The following USP49 variants were observed in gnomAD, a reference collection of about 807,000 sequenced individuals.
The protein encoded by USP49 is ubiquitin carboxyl-terminal hydrolase 49.
USP49 carries 24 observed loss-of-function variants against 58.6 expected under a neutral mutation model. That is an observed-to-expected ratio of 0.41 (90% confidence interval 0.30 to 0.58). The LOEUF (loss-of-function observed/expected upper bound fraction) is 0.58, where lower values mean the gene tolerates loss of function less well. Among genes scored for constraint, USP49 ranks in the 20% least tolerant of loss-of-function variants. USP49 has a pLI of 0.30. For missense variants in USP49, 703 were observed against 866.1 expected (o/e 0.81, Z 2.36); for synonymous variants, 408 against 365.1 (o/e 1.12, Z -1.34).
intron 2 of USP49, among the ~76,000 whole-genome samples, chr6:41,886,728 C>T (rs968189395): frequency 2.0e-5 from 3 of 152,160 alleles, no homozygotes; most frequent in African/African-American, 7.2e-5. Flanking sequence ...GAAACCCCAT[C>T]TCCACCTAAC....
rs1031485283 is a variant in USP49, at chr6:41,797,828, T to C, written c.1876+896A>G. ...CTTTTGATAATACTACAATATCCTC[T>C]AACACTGACTGAATAAGTACTATGT... On this transcript the variant is annotated intron_variant, in intron 7 of 7. Coordinates refer to ENST00000682992, the MANE Select transcript of USP49 (RefSeq NM_001286554.2). 6 of 984,282 alleles carry C rather than the reference T, an allele frequency of 6.1e-6. 1 individual carries two copies. The African/African-American group carries it at 1.0e-4, about 17-fold the overall frequency. The allele number at this position is 984,282 out of a possible 1,614,324, so 61.0% of individuals were successfully genotyped here.
intron 2 of USP49, among the ~76,000 whole-genome samples, chr6:41,885,070 T>C (rs1774685322): frequency 6.6e-6 from 1 of 152,210 alleles, no homozygotes; most frequent in South Asian, 2.1e-4. Flanking sequence ...GATAAATTTT[T>C]TCTACTTTAT....
chr6:41,887,122 G>C lies in USP49; in HGVS notation c.-103+4672C>G, dbSNP rs181105353. Among the ~76,000 whole-genome samples the C allele has an allele frequency of 1.8e-3, 271 of 152,324 alleles. 1 individual carries two copies. The highest frequency in any genetic ancestry group is 5.9e-3 in the African/African-American group (247 of 41,566). On this transcript the variant is annotated intron_variant, in intron 2 of 7. Transcript: ENST00000682992. Reference sequence around the variant, plus strand: ...AAGAAAGAGCAGGAGGCAGGAAAGAGCAGGACACCAATGTGACAAAATGCT... The same window carrying C: ...AAGAAAGAGCAGGAGGCAGGAAAGACCAGGACACCAATGTGACAAAATGCT...
At chr6:41,842,201 T>C (rs1206123524) in intron 3 of USP49, among the ~76,000 whole-genome samples, 2 of 151,888 alleles carry the variant, frequency 1.3e-5, no homozygotes, top group Non-Finnish European at 2.9e-5. Context: ...ATTATGTGCA[T>C]GGTAGGATAA....
In USP49 at chr6:41,798,776, C is replaced by A; in HGVS notation, c.1824G>T (p.Gly608=). The change falls in exon 7 of 8, where the codon GGG becomes GGT. Residue 608 remains glycine, a synonymous_variant. Coordinates refer to ENST00000682992, the MANE Select transcript of USP49 (RefSeq NM_001286554.2). ...YDLSAVVMHH[G]KGFGSGHYTA... Reference sequence around the variant, plus strand: ...TGTAGTGTCCTGAGCCAAACCCTTTCCCGTGATGCATGACCACTGCGGAGA... The same window carrying A: ...TGTAGTGTCCTGAGCCAAACCCTTTACCGTGATGCATGACCACTGCGGAGA... The A allele has an allele frequency of 6.2e-7, 1 of 1,614,048 alleles. No individual in the cohort carries two copies. Among genetic ancestry groups the A allele is most frequent in the Non-Finnish European group, 8.5e-7 (1 of 1,180,008 alleles).
At chr6:41,807,134 C>T in intron 3 of USP49, 123 bp from the exon 4 acceptor site, 1 of 1,057,346 alleles carries the variant, frequency 9.5e-7, no homozygotes, top group Non-Finnish European at 1.2e-6. Flanking sequence ...TAGATTCATT[C>T]ATTTTCAACT....
At chr6:41,807,885 T>C (rs1484263607) in intron 3 of USP49, among the ~76,000 whole-genome samples, 1 of 151,414 alleles carries the variant, frequency 6.6e-6, no homozygotes, top group South Asian at 2.1e-4. Context: ...GCGATTCTCC[T>C]GCCTCAGCCT....
rs1582020309 is a variant in USP49 at position 41,850,462 on chromosome 6, A to AAAT, written c.-29+21101_-29+21102insATT. ...AGCCTCTAAGGAAAGAAAAAAAAAA[A>AAAT]AAATAAATAAATAAATAATATAAAA... On this transcript the variant is annotated intron_variant, in intron 3 of 7. Transcript: ENST00000682992. 5.4e-5 allele frequency among the ~76,000 whole-genome samples: 8 copies of AAAT among 146,874 alleles called. No homozygotes were observed. The South Asian group carries it at 8.6e-4, about 16-fold the overall frequency.
At chr6:41,862,472 T>C (rs114924247) in intron 3 of USP49, among the ~76,000 whole-genome samples, 2,273 of 152,340 alleles carry the variant, frequency 0.015, 54 homozygotes, top group African/African-American at 0.052. Flanking sequence ...GTCTTTTCTA[T>C]TGGGCTCTCA....
chr6:41,876,969 AT>A (rs376431016), intron 2 of USP49, among the ~76,000 whole-genome samples: 264 of 152,314 alleles, frequency 1.7e-3, no homozygotes, highest in African/African-American at 6.1e-3. Flanking sequence ...TCTGCCACTG[AT>A]TAATTATGTT....
intron 2 of USP49, among the ~76,000 whole-genome samples, chr6:41,883,105 G>A (rs1774640810): frequency 6.6e-6 from 1 of 151,968 alleles, no homozygotes; most frequent in Non-Finnish European, 1.5e-5. Flanking sequence ...TGGCTAACTA[G>A]TATATGAAGA....
chr6:41,820,316 A>G (rs1773432373), intron 3 of USP49, among the ~76,000 whole-genome samples: 1 of 152,136 alleles, frequency 6.6e-6, no homozygotes, highest in South Asian at 2.1e-4. Flanking sequence ...TAAACACATC[A>G]GTCACCCCTA....
rs1401543732 is a variant in USP49, at chr6:41,817,478, G to C, written c.-28-10467C>G. Among the ~76,000 whole-genome samples, 289 of 60,342 alleles carry C rather than the reference G, an allele frequency of 4.8e-3. 1 individual carries two copies. The highest frequency in any genetic ancestry group is 6.6e-3 in the Non-Finnish European group (199 of 30,194). 39.6% of individuals were successfully genotyped at this position (60,342 alleles called of 152,430 possible). Reference sequence around the variant, plus strand: ...CTTTCTTTTTTTTTTTTTTTTTTTTGAGATGGAGTCTTGCTCTGTCGCCCA... The same window carrying C: ...CTTTCTTTTTTTTTTTTTTTTTTTTCAGATGGAGTCTTGCTCTGTCGCCCA... On this transcript the variant is annotated intron_variant, in intron 3 of 7. Transcript: ENST00000682992.
chr6:41,796,312 A>G lies in USP49; in HGVS notation c.*221T>C. The G allele has an allele frequency of 2.1e-6, 1 of 486,118 alleles. No individual in the cohort carries two copies. Among genetic ancestry groups the G allele is most frequent in the Non-Finnish European group, 3.7e-6 (1 of 271,946 alleles). The allele number at this position is 486,118 out of a possible 1,614,324, so 30.1% of individuals were successfully genotyped here. A position where few individuals can be genotyped will look rare whatever the true frequency, so the allele number is the denominator to read the frequency against. ...CAACTGATGAAAGGATCTTCATAGA[A>G]GTTACTTCTTTTGTTTTTAGGAAAG... On this transcript the variant is annotated 3_prime_UTR_variant, in exon 8 of 8. Transcript: ENST00000682992.
At chr6:41,843,550 C>G (rs1270115294) in intron 3 of USP49, among the ~76,000 whole-genome samples, 1 of 152,040 alleles carries the variant, frequency 6.6e-6, no homozygotes, top group East Asian at 1.9e-4. Flanking sequence ...GGAGGCTGAG[C>G]TGGGAGGATC....
rs1432576125 is a variant in USP49, at chr6:41,794,934, A to T, written c.*1599T>A. On this transcript the variant is annotated 3_prime_UTR_variant, in exon 8 of 8. Transcript: ENST00000682992. ...CCTGGCAGGGCCTATGGGAGAGTTC[A>T]TCTCAAAAGAGGTCAACAGCAAATG... The T allele has an allele frequency of 2.6e-5, 4 of 152,202 alleles. No individual in the cohort carries two copies. The highest frequency in any genetic ancestry group is 4.4e-5 in the Non-Finnish European group (3 of 68,038). 9.4% of individuals were successfully genotyped at this position (152,202 alleles called of 1,614,324 possible).
chr6:41,841,543 G>GA (rs1773827439), intron 3 of USP49, among the ~76,000 whole-genome samples: 1 of 152,068 alleles, frequency 6.6e-6, no homozygotes, highest in African/African-American at 2.4e-5. Flanking sequence ...TCTAAATCCT[G>GA]AAAATCACAA....
At position 41,850,589 on chromosome 6, in the gene USP49, C is replaced by G. The variant is rs527729440; in HGVS notation, c.-29+20975G>C. Among the ~76,000 whole-genome samples the G allele has an allele frequency of 1.1e-4, 16 of 151,392 alleles. No individual in the cohort carries two copies. In the East Asian group the frequency reaches 2.9e-3, roughly 28 times the overall value. ...ATTGCACACCAACAAACTGGATAACCTAGAATAAATGGATAAATTCTTTTT... is the reference window on the plus strand; with the variant it reads ...ATTGCACACCAACAAACTGGATAACGTAGAATAAATGGATAAATTCTTTTT... On this transcript the variant is annotated intron_variant, in intron 3 of 7. Transcript: ENST00000682992.
Position 41,826,222 on chromosome 6 carries a change from G to A in USP49, c.-28-19211C>T, listed in dbSNP as rs565223303. On this transcript the variant is annotated intron_variant, in intron 3 of 7. Coordinates refer to ENST00000682992, the MANE Select transcript of USP49 (RefSeq NM_001286554.2). ...ATAGAGGCTGCAGTGAGCTGAGATC[G>A]CGCAACTGCACTCCAGCCTGGGTGA... 6.6e-5 allele frequency among the ~76,000 whole-genome samples: 10 copies of A among 152,192 alleles called. No individual in the cohort carries two copies. The South Asian group carries it at 1.0e-3, about 16-fold the overall frequency.
Sources: allele counts gnomAD v4.1 joint callset (sites outside exome capture counted in the v4.1 genomes callset), GRCh38; gene constraint gnomAD v4.1.1; transcripts MANE v1.5; gene names NCBI Gene and HGNC (gene_info 2026-07-23, HGNC 2026-07-21).